EXOC6B: variants seen among roughly 807,000 people sequenced by gnomAD.
EXOC6B encodes SEC15 homolog B.
Under a neutral mutation model 113.5 loss-of-function variants are expected in EXOC6B, and 54 were observed. That is an observed-to-expected ratio of 0.48 (90% CI 0.38 to 0.60). The LOEUF (loss-of-function observed/expected upper bound fraction) is 0.60, where lower values mean the gene tolerates loss of function less well. Among genes scored for constraint, EXOC6B ranks in the 20% least tolerant of loss-of-function variants. The pLI is 0.00. For synonymous variants in EXOC6B, 357 were observed against 339.0 expected (o/e 1.05, Z -0.58); for missense variants, 797 against 977.5 (o/e 0.82, Z 2.46).
chr2:72,510,957 A>G (rs1700864192), intron 11 of EXOC6B, among the ~76,000 whole-genome samples: 1 of 152,122 alleles, frequency 6.6e-6, no homozygotes, highest in African/African-American at 2.4e-5. Flanking sequence ...CTTTTTAAAA[A>G]TCTCAGAACA....
At chr2:72,484,041 A>G (rs541740138) in intron 16 of EXOC6B, among the ~76,000 whole-genome samples, 1 of 152,234 alleles carries the variant, frequency 6.6e-6, no homozygotes, top group Non-Finnish European at 1.5e-5. Context: ...AAGTCACTTA[A>G]GTGAAAAACC....
At chr2:72,814,187 T>C (rs140260689) in intron 1 of EXOC6B, among the ~76,000 whole-genome samples, 54 of 152,160 alleles carry the variant, frequency 3.5e-4, no homozygotes, top group African/African-American at 1.3e-3. Context: ...AACTATATAA[T>C]GAAAGAGAGC....
At chr2:72,588,345 GTCTGAAATAAGAAAATTCTGTCACATTT>G (rs373079680) in intron 6 of EXOC6B, among the ~76,000 whole-genome samples, 2,198 of 152,126 alleles carry the variant, frequency 0.014, 28 homozygotes, top group Non-Finnish European at 0.023. Context: ...ATATTATGTG[GTCTGAAATAAGAAAATTCTGTCACATTT>G]TACAGCATGT....
At chr2:72,273,615 G>C (rs1261620737) in intron 20 of EXOC6B, among the ~76,000 whole-genome samples, 1 of 152,106 alleles carries the variant, frequency 6.6e-6, no homozygotes, top group African/African-American at 2.4e-5. Context: ...AGAGAAATAA[G>C]TGCCTAAAGG....
chr2:72,767,341 G>A (rs1479746877), intron 1 of EXOC6B, among the ~76,000 whole-genome samples: 1 of 151,334 alleles, frequency 6.6e-6, no homozygotes, highest in African/African-American at 2.4e-5. Flanking sequence ...TGAGGCAGGA[G>A]AATCGCTTGA....
chr2:72,348,279 C>T (rs965766120), intron 19 of EXOC6B, among the ~76,000 whole-genome samples: 2 of 152,086 alleles, frequency 1.3e-5, no homozygotes, highest in South Asian at 4.1e-4. Context: ...ATATAGTTCC[C>T]TTGAAGTTTA....
chr2:72,471,069 T>C (rs1424608948), intron 17 of EXOC6B, among the ~76,000 whole-genome samples: 1 of 152,144 alleles, frequency 6.6e-6, no homozygotes, highest in African/African-American at 2.4e-5. Context: ...TTGAACTAGT[T>C]TACAGTCCCA....
chr2:72,359,779 C>T (rs1690193296), intron 19 of EXOC6B, among the ~76,000 whole-genome samples: 1 of 152,132 alleles, frequency 6.6e-6, no homozygotes, highest in Non-Finnish European at 1.5e-5. Context: ...ACATGATTCT[C>T]AATGCTGAAG....
intron 18 of EXOC6B, among the ~76,000 whole-genome samples, chr2:72,460,896 G>A (rs2105398131): frequency 6.6e-6 from 1 of 151,456 alleles, no homozygotes; most frequent in Non-Finnish European, 1.5e-5. Context: ...CTGCTATAAA[G>A]ACACATGCAC....
intron 6 of EXOC6B, among the ~76,000 whole-genome samples, chr2:72,576,410 A>T (rs979138996): frequency 1.3e-5 from 2 of 152,146 alleles, no homozygotes; most frequent in Non-Finnish European, 2.9e-5. Context: ...AAGTGGGACT[A>T]TCCAGAGTCA....
chr2:72,732,442 T>C (rs959426914), intron 3 of EXOC6B, among the ~76,000 whole-genome samples: 2 of 152,136 alleles, frequency 1.3e-5, no homozygotes, highest in Non-Finnish European at 2.9e-5. Context: ...GATTAGAGCG[T>C]ATAATCTCAG....
At chr2:72,675,627 T>C (rs1373553141) in intron 6 of EXOC6B, among the ~76,000 whole-genome samples, 1 of 152,022 alleles carries the variant, frequency 6.6e-6, no homozygotes, top group African/African-American at 2.4e-5. Context: ...ATCCTGTCTC[T>C]ACAAAAAATA....
chr2:72,543,809 C>T (rs1702750715), intron 8 of EXOC6B, among the ~76,000 whole-genome samples: 1 of 152,148 alleles, frequency 6.6e-6, no homozygotes. Context: ...CCTCACCAGG[C>T]ACTAGTGGGT....
chr2:72,215,867 C>T lies in EXOC6B; in HGVS notation c.2197-31680G>A, dbSNP rs542489386. ...AAGGAAAAAAGCTTAGCCTTAGGTG[C>T]TTCTGTCCTTTCTCCATTGCAAAAG... On this transcript the variant is annotated intron_variant, in intron 20 of 21. Coordinates refer to ENST00000272427, the MANE Select transcript of EXOC6B (RefSeq NM_015189.3). 2.2e-4 allele frequency among the ~76,000 whole-genome samples: 34 copies of T among 152,208 alleles called. 1 individual carries two copies. Among genetic ancestry groups the T allele is most frequent in the Admixed American group, 9.2e-4 (14 of 15,298 alleles).
chr2:72,250,196 C>G (rs1040045574), intron 20 of EXOC6B, among the ~76,000 whole-genome samples: 2 of 152,152 alleles, frequency 1.3e-5, no homozygotes, highest in African/African-American at 2.4e-5. Flanking sequence ...GGGATGAAAA[C>G]AGTCTCCAAA....
chr2:72,631,972 A>T (rs1313251526), intron 6 of EXOC6B, among the ~76,000 whole-genome samples: 1 of 152,228 alleles, frequency 6.6e-6, no homozygotes, highest in Non-Finnish European at 1.5e-5. Context: ...TGAATTAAAG[A>T]GTTATATAAA....
At chr2:72,664,848 A>G (rs753765779) in intron 6 of EXOC6B, among the ~76,000 whole-genome samples, 21 of 152,162 alleles carry the variant, frequency 1.4e-4, no homozygotes, top group Non-Finnish European at 2.8e-4. Flanking sequence ...TGCTTTCCCA[A>G]TGGCCTGAGA....
intron 19 of EXOC6B, among the ~76,000 whole-genome samples, chr2:72,346,749 G>A (rs914307687): frequency 6.6e-6 from 1 of 152,130 alleles, no homozygotes; most frequent in Non-Finnish European, 1.5e-5. Flanking sequence ...CCTTATGAAG[G>A]AGGAAGAGTT....
chr2:72,800,625 T>A (rs986659325), intron 1 of EXOC6B, among the ~76,000 whole-genome samples: 27 of 152,174 alleles, frequency 1.8e-4, no homozygotes, highest in African/African-American at 6.5e-4. Flanking sequence ...ATTAGCTCCA[T>A]TTTACAGATG....
Sources: gnomAD v4.1 joint callset for allele counts (sites outside exome capture counted in the v4.1 genomes callset) on GRCh38, gnomAD v4.1.1 for gene constraint, MANE v1.5 for transcripts, NCBI Gene and HGNC (gene_info 2026-07-23, HGNC 2026-07-21) for gene names.